Variants in SLC36A1 observed in about 807,000 individuals in gnomAD.
The protein encoded by SLC36A1 is proton-coupled amino acid transporter 1.
In SLC36A1, 30 loss-of-function variants were observed where a neutral mutation model predicts 47.5. The ratio of observed to expected loss-of-function variants is 0.63; its 90% CI spans 0.47 to 0.86. The LOEUF (loss-of-function observed/expected upper bound fraction) is 0.86, where lower values mean the gene tolerates loss of function less well. Among genes scored for constraint, SLC36A1 ranks in the 40% least tolerant of loss-of-function variants. The pLI is 0.00. For synonymous variants in SLC36A1, 255 were observed against 249.7 expected (o/e 1.02, Z -0.20); for missense variants, 517 against 606.0 (o/e 0.85, Z 1.54).
the SLC36A1 span, among the ~76,000 whole-genome samples, chr5:151,500,629 A>C: frequency 6.6e-6 from 1 of 152,154 alleles, no homozygotes; most frequent in South Asian, 2.1e-4. Flanking sequence ...CGGCCTCCCA[A>C]AGTGCTGGGA....
the SLC36A1 span, among the ~76,000 whole-genome samples, chr5:151,506,846 T>A: frequency 6.6e-6 from 1 of 152,122 alleles, no homozygotes; most frequent in Admixed American, 6.5e-5. Flanking sequence ...AAAGCACAAA[T>A]GTGCAGAAGC....
At chr5:151,392,115 C>A in the SLC36A1 span, among the ~76,000 whole-genome samples, 1 of 152,230 alleles carries the variant, frequency 6.6e-6, no homozygotes, top group Non-Finnish European at 1.5e-5. Flanking sequence ...TCAAAATCTT[C>A]CTGGTTTAGT....
At chr5:151,483,479 T>G (rs1158355363) in intron 10 of SLC36A1, among the ~76,000 whole-genome samples, 1 of 148,622 alleles carries the variant, frequency 6.7e-6, no homozygotes, top group African/African-American at 2.5e-5. Context: ...GTTATACAAA[T>G]GTCTTCCTTT....
chr5:151,389,840 G>A, the SLC36A1 span, among the ~76,000 whole-genome samples: 1 of 151,894 alleles, frequency 6.6e-6, no homozygotes, highest in African/African-American at 2.4e-5. Context: ...CCAAGTCTTT[G>A]GTATTGTGAA....
chr5:151,544,016 C>G, the SLC36A1 span: 1 of 1,614,184 alleles, frequency 6.2e-7, no homozygotes, highest in Non-Finnish European at 8.5e-7. Flanking sequence ...TCATTGATAT[C>G]AGACACATTG....
In SLC36A1 at chr5:151,488,277, C is replaced by T. The variant is rs775416004; in HGVS notation, c.*23C>T. 3.2e-5 allele frequency: 51 copies of T among 1,608,300 alleles called. No homozygotes were observed. The highest frequency in any genetic ancestry group is 4.0e-5 in the Non-Finnish European group (47 of 1,176,574). On this transcript the variant is annotated 3_prime_UTR_variant, in exon 11 of 11. Coordinates refer to ENST00000243389, the MANE Select transcript of SLC36A1 (RefSeq NM_078483.4). Reference sequence around the variant, plus strand: ...TAGGGATCTGGGTTCGTCTCTGCAGCTGCCTACCCCTGCCCCATGTGTCCC... The same window carrying T: ...TAGGGATCTGGGTTCGTCTCTGCAGTTGCCTACCCCTGCCCCATGTGTCCC...
At chr5:151,398,655 G>C in the SLC36A1 span, among the ~76,000 whole-genome samples, 1 of 152,174 alleles carries the variant, frequency 6.6e-6, no homozygotes, top group Non-Finnish European at 1.5e-5. Flanking sequence ...GGGAGCATCA[G>C]CTCCCAATAA....
chr5:151,361,546 A>C, the SLC36A1 span, among the ~76,000 whole-genome samples: 3 of 152,186 alleles, frequency 2.0e-5, no homozygotes, highest in African/African-American at 7.2e-5. Context: ...TGCTTGTTAA[A>C]CAGACAAAAC....
the SLC36A1 span, chr5:151,505,710 A>T: frequency 6.2e-7 from 1 of 1,613,942 alleles, no homozygotes; most frequent in Non-Finnish European, 8.5e-7. Context: ...AGCTCGGCTG[A>T]GGCGCATACC....
At chr5:151,406,857 G>A in the SLC36A1 span, among the ~76,000 whole-genome samples, 5 of 151,988 alleles carry the variant, frequency 3.3e-5, no homozygotes, top group South Asian at 2.1e-4. Flanking sequence ...ATGAAGCCAC[G>A]GGCCCTCGCG....
the SLC36A1 span, among the ~76,000 whole-genome samples, chr5:151,515,812 A>G: frequency 2.6e-5 from 4 of 152,174 alleles, no homozygotes; most frequent in African/African-American, 4.8e-5. Flanking sequence ...TTGTTTCTCT[A>G]AAGTCGATTC....
At chr5:151,501,724 C>A in the SLC36A1 span, among the ~76,000 whole-genome samples, 1 of 148,482 alleles carries the variant, frequency 6.7e-6, no homozygotes, top group East Asian at 1.9e-4. Flanking sequence ...GAATGAGAGG[C>A]CTAACTGAAC....
At chr5:151,521,453 C>A in the SLC36A1 span, 2 of 1,614,242 alleles carry the variant, frequency 1.2e-6, no homozygotes, top group Non-Finnish European at 1.7e-6. Flanking sequence ...TGAACCCCCA[C>A]TGAATGCTCC....
the SLC36A1 span, chr5:151,551,525 C>A: frequency 6.2e-7 from 1 of 1,614,200 alleles, no homozygotes; most frequent in Non-Finnish European, 8.5e-7. Context: ...ATAGTTCGAC[C>A]TTCTCCTGGT....
the SLC36A1 span, among the ~76,000 whole-genome samples, chr5:151,428,932 C>T: frequency 1.3e-5 from 2 of 152,210 alleles, no homozygotes; most frequent in Non-Finnish European, 2.9e-5. Context: ...TGCACCTGGC[C>T]GTCCGTCTGC....
chr5:151,349,309 T>G, the SLC36A1 span, among the ~76,000 whole-genome samples: 70 of 152,066 alleles, frequency 4.6e-4, no homozygotes, highest in African/African-American at 1.5e-3. Context: ...CCAGGCATCG[T>G]CAGTGAAAAA....
chr5:151,479,719 A>G, intron 10 of SLC36A1: 1 of 557,166 alleles, frequency 1.8e-6, no homozygotes, highest in African/African-American at 1.9e-5. Flanking sequence ...TTATGTATAG[A>G]TAGGGTATGA....
At chr5:151,356,339 C>CAAAAAAAA in the SLC36A1 span, among the ~76,000 whole-genome samples, 311 of 51,302 alleles carry the variant, frequency 6.1e-3, 21 homozygotes, top group African/African-American at 0.014. Flanking sequence ...CTCTGTCTCA[C>CAAAAAAAA]AAAAAAAAAA....
the SLC36A1 span, chr5:151,545,974 A>G: frequency 6.2e-7 from 1 of 1,614,030 alleles, no homozygotes; most frequent in Admixed American, 1.7e-5. Context: ...CTCATGGTCC[A>G]ATTTCTTCTG....
Sources: gnomAD v4.1 joint callset for allele counts (sites outside exome capture counted in the v4.1 genomes callset) on GRCh38, gnomAD v4.1.1 for gene constraint, MANE v1.5 for transcripts, NCBI Gene and HGNC (gene_info 2026-07-23, HGNC 2026-07-21) for gene names.